SYS1: variants seen among roughly 807,000 people sequenced by gnomAD.
SYS1 encodes SYS1 golgi trafficking protein.
A neutral mutation model predicts 17.8 loss-of-function variants in SYS1; 8 were observed. The ratio of observed to expected loss-of-function variants is 0.45; its 90% confidence interval spans 0.26 to 0.81. SYS1 has a LOEUF of 0.81. SYS1 is among the 40% of genes least tolerant of loss of function. The probability of loss-of-function intolerance (pLI) is 0.16; values close to 1 mark genes in which losing one functional copy is unlikely to be tolerated. For synonymous variants in SYS1, 95 were observed against 90.9 expected (o/e 1.05, Z -0.26); for missense variants, 161 against 203.9 (o/e 0.79, Z 1.28).
intron 3 of SYS1, among the ~76,000 whole-genome samples, chr20:45,366,551 T>C (rs553151966): frequency 6.6e-6 from 1 of 152,332 alleles, no homozygotes; most frequent in Admixed American, 6.5e-5. Context: ...CAGGCCAACC[T>C]TCTAGCATGA....
In SYS1 at chr20:45,363,185, G is replaced by C; in HGVS notation, c.-134G>C. On this transcript the variant is annotated 5_prime_UTR_variant, in exon 1 of 4. Transcript: ENST00000243918. ...CCTACGCAGCCGCTCCTGCCGCCGT[G>C]GTCGCTGGAGCTTTGCCTCTCTAGG... is the stretch of plus-strand genomic sequence containing the variant. The C allele has an allele frequency of 7.6e-6, 8 of 1,054,432 alleles. No homozygotes were observed. The highest frequency in any genetic ancestry group is 9.2e-6 in the Non-Finnish European group (8 of 872,370). 65.3% of individuals were successfully genotyped at this position (1,054,432 alleles called of 1,614,324 possible).
In SYS1 at chr20:45,363,526, C is replaced by T. The variant is rs1988294624; in HGVS notation, c.-3-3C>T. 6.3e-7 allele frequency: 1 copy of T among 1,590,908 alleles called. No homozygotes were observed. The highest frequency in any genetic ancestry group is 8.5e-7 in the Non-Finnish European group (1 of 1,170,424). Reference sequence around the variant, plus strand: ...GGCTGAGGCCCGGCTCGTGTCCCTGCAGGGCATGGCGGGTCAGTTCCGCAG... The same window carrying T: ...GGCTGAGGCCCGGCTCGTGTCCCTGTAGGGCATGGCGGGTCAGTTCCGCAG... On this transcript the variant is annotated splice_region_variant and splice_polypyrimidine_tract_variant and intron_variant, in intron 1 of 3. Transcript: ENST00000243918.
At chr20:45,370,351 T>C (rs1395490470), downstream of SYS1, among the ~76,000 whole-genome samples, 1 of 152,210 alleles carries the variant, frequency 6.6e-6, no homozygotes, top group Admixed American at 6.5e-5. Context: ...ACTCTCCAGG[T>C]GTCTGAAGTT....
intron 2 of SYS1, among the ~76,000 whole-genome samples, chr20:45,364,800 G>T (rs1448580744): frequency 6.6e-6 from 1 of 152,238 alleles, no homozygotes; most frequent in African/African-American, 2.4e-5. Context: ...AGGAGACCTG[G>T]GATGGAGTCC....
At chr20:45,366,540 C>T (rs1988419749) in intron 3 of SYS1, among the ~76,000 whole-genome samples, 1 of 152,154 alleles carries the variant, frequency 6.6e-6, no homozygotes, top group African/African-American at 2.4e-5. Context: ...CTGACTGATT[C>T]CAGGCCAACC....
chr20:45,365,963 C>T (rs886722141), intron 3 of SYS1: 2 of 472,206 alleles, frequency 4.2e-6, no homozygotes, highest in Admixed American at 3.4e-5. Context: ...AGAAAGGATT[C>T]GACCGAGAGG....
downstream of SYS1, chr20:45,374,206 C>T (rs1988648036): frequency 1.5e-6 from 1 of 675,624 alleles, no homozygotes; most frequent in South Asian, 1.6e-5. Context: ...TTTCATTCTC[C>T]CACGAAAGGG....
chr20:45,375,591 G>A (rs764618801), exon 4 of SYS1: 25 of 1,567,152 alleles, frequency 1.6e-5, no homozygotes, highest in East Asian at 2.2e-5. Flanking sequence ...CAGCAGGACC[G>A]AGGCCCTGGT....
chr20:45,371,165 CTTGTTTTGTT>C (rs1030117467), downstream of SYS1, among the ~76,000 whole-genome samples: 1 of 151,918 alleles, frequency 6.6e-6, no homozygotes, highest in Non-Finnish European at 1.5e-5. Context: ...TTTGTTTTGT[CTTGTTTTGTT>C]TTGTTTTCTG....
chr20:45,369,592 T>G (rs946530361), downstream of SYS1, among the ~76,000 whole-genome samples: 1 of 133,986 alleles, frequency 7.5e-6, no homozygotes, highest in Non-Finnish European at 1.6e-5. Context: ...TAGCCAGAGA[T>G]TTCCTTTTTT....
At chr20:45,363,106 G>A (rs939342786), upstream of SYS1, 2 of 1,008,350 alleles carry the variant, frequency 2.0e-6, no homozygotes, top group East Asian at 2.1e-4. Context: ...CACCCACTAC[G>A]CCTGCGCAAC....
At position 45,367,500 on chromosome 20, in the gene SYS1, A is replaced by G; in HGVS notation, c.*385A>G. ...TAGTCATCTGTCTTACCCCCCTGGG[A>G]CAGCTGTTACCTTTGCAGTGTTGCC... On this transcript the variant is annotated 3_prime_UTR_variant, in exon 4 of 4. Coordinates refer to ENST00000243918, the MANE Select transcript of SYS1 (RefSeq NM_033542.4). 8 of 1,035,092 alleles carry G rather than the reference A, an allele frequency of 7.7e-6. No homozygotes were observed. Among genetic ancestry groups the G allele is most frequent in the Non-Finnish European group, 9.3e-6 (8 of 858,394 alleles). The allele number at this position is 1,035,092 out of a possible 1,614,324, so 64.1% of individuals were successfully genotyped here. A position where few individuals can be genotyped will look rare whatever the true frequency, so the allele number is the denominator to read the frequency against.
chr20:45,374,923 A>G (rs1600755935), exon 4 of SYS1: 1 of 1,410,108 alleles, frequency 7.1e-7, no homozygotes, highest in South Asian at 1.4e-5. Context: ...TCCCAGCACT[A>G]CCAGCCACAC....
At chr20:45,369,643 C>T (rs1448551756), downstream of SYS1, among the ~76,000 whole-genome samples, 1 of 145,234 alleles carries the variant, frequency 6.9e-6, no homozygotes. Context: ...TACTCTGTCA[C>T]CCAGGCTGGA....
At chr20:45,371,957 T>G (rs1419318045), downstream of SYS1, among the ~76,000 whole-genome samples, 1 of 152,238 alleles carries the variant, frequency 6.6e-6, no homozygotes, top group Admixed American at 6.5e-5. Flanking sequence ...TTTATAAACA[T>G]GAAATAGGCT....
chr20:45,364,541 G>C (rs1001857817), intron 2 of SYS1, among the ~76,000 whole-genome samples: 1 of 125,468 alleles, frequency 8.0e-6, no homozygotes, highest in Non-Finnish European at 1.6e-5. Context: ...GCAGGATCTC[G>C]GCTCACTGCA....
At chr20:45,365,839 G>T in intron 3 of SYS1, 153 bp downstream of exon 3, 1 of 743,862 alleles carries the variant, frequency 1.3e-6, no homozygotes, top group South Asian at 1.6e-5. Flanking sequence ...GCTGTATAAT[G>T]GGCCTCCTTC....
exon 4 of SYS1, chr20:45,375,321 T>C: frequency 6.2e-7 from 1 of 1,614,206 alleles, no homozygotes; most frequent in Non-Finnish European, 8.5e-7. Flanking sequence ...CATCCCTCGA[T>C]GTCCTTGGAA....
At position 45,367,687 on chromosome 20, in the gene SYS1, T is replaced by C; in HGVS notation, c.*572T>C. ...ATGGAGGCATCAAGCACAAGGAAAATGCACAACCTGTGCCCTGTTATACAC... is the reference window on the plus strand; with the variant it reads ...ATGGAGGCATCAAGCACAAGGAAAACGCACAACCTGTGCCCTGTTATACAC... On this transcript the variant is annotated 3_prime_UTR_variant, in exon 4 of 4. Coordinates refer to ENST00000243918, the MANE Select transcript of SYS1 (RefSeq NM_033542.4). The C allele has an allele frequency of 1.0e-6, 1 of 990,752 alleles. No individual in the cohort carries two copies. The highest frequency in any genetic ancestry group is 1.2e-6 in the Non-Finnish European group (1 of 832,930). The allele number at this position is 990,752 out of a possible 1,614,324, so 61.4% of individuals were successfully genotyped here.
Sources: allele counts gnomAD v4.1 joint callset (sites outside exome capture counted in the v4.1 genomes callset), GRCh38; gene constraint gnomAD v4.1.1; transcripts MANE v1.5; gene names NCBI Gene and HGNC (gene_info 2026-07-23, HGNC 2026-07-21).